ANKRD6: variants seen among roughly 807,000 people sequenced by gnomAD.
The protein encoded by ANKRD6 is ankyrin repeat domain-containing protein 6.
A neutral mutation model predicts 82.3 loss-of-function variants in ANKRD6; 56 were observed. That is an observed-to-expected ratio of 0.68 (90% CI 0.55 to 0.85). The LOEUF (loss-of-function observed/expected upper bound fraction) is 0.85. Among genes scored for constraint, ANKRD6 ranks in the 40% least tolerant of loss-of-function variants. The pLI is 0.00. For synonymous variants in ANKRD6, 347 were observed against 352.1 expected (o/e 0.99, Z 0.16); for missense variants, 852 against 907.6 (o/e 0.94, Z 0.79).
At chr6:89,469,846 C>G (rs1775247274) in intron 1 of ANKRD6, among the ~76,000 whole-genome samples, 1 of 152,184 alleles carries the variant, frequency 6.6e-6, no homozygotes, top group Non-Finnish European at 1.5e-5. Context: ...GTGTGACATT[C>G]TCTTCTGGTT....
intron 1 of ANKRD6, among the ~76,000 whole-genome samples, chr6:89,519,944 T>G (rs758909274): frequency 1.3e-5 from 2 of 152,222 alleles, no homozygotes; most frequent in Non-Finnish European, 2.9e-5. Context: ...GGTTGGCAAA[T>G]GAACTCAAGT....
intron 2 of ANKRD6, among the ~76,000 whole-genome samples, chr6:89,572,135 C>T (rs975292414): frequency 2.0e-5 from 3 of 152,134 alleles, no homozygotes; most frequent in African/African-American, 2.4e-5. Context: ...AAAAATCTTC[C>T]GTTGTATGGA....
intron 1 of ANKRD6, among the ~76,000 whole-genome samples, chr6:89,469,884 C>G (rs77763412): frequency 0.056 from 8,571 of 152,224 alleles, 269 homozygotes; most frequent in South Asian, 0.13. Flanking sequence ...TCTCATCTCT[C>G]CTATTGTAAA....
Position 89,631,007 on chromosome 6 carries a change from C to A in ANKRD6, c.*3C>A. On this transcript the variant is annotated 3_prime_UTR_variant, in exon 16 of 16. Coordinates refer to ENST00000339746, the MANE Select transcript of ANKRD6 (RefSeq NM_001242809.2). ...CTAGGGTGCAGAAGGAAAATTAGCA[C>A]CAATAAAGAGGAAATATGAAAGGAT... The A allele has an allele frequency of 6.6e-7, 1 of 1,508,618 alleles. No individual in the cohort carries two copies. The highest frequency in any genetic ancestry group is 8.8e-7 in the Non-Finnish European group (1 of 1,132,002). 93.5% of individuals were successfully genotyped at this position (1,508,618 alleles called of 1,614,324 possible).
intron 2 of ANKRD6, among the ~76,000 whole-genome samples, chr6:89,587,805 T>C (rs970006580): frequency 5.9e-5 from 9 of 152,244 alleles, no homozygotes; most frequent in African/African-American, 1.9e-4. Flanking sequence ...GATTAAGATA[T>C]GATGTGTCAC....
chr6:89,480,165 C>T (rs1460771110), intron 1 of ANKRD6, among the ~76,000 whole-genome samples: 2 of 152,186 alleles, frequency 1.3e-5, no homozygotes, highest in Non-Finnish European at 2.9e-5. Flanking sequence ...TTCATACTCT[C>T]CTAGATTGTT....
Position 89,582,543 on chromosome 6 carries a change from A to C in ANKRD6, c.121-13373A>C, listed in dbSNP as rs112287284. On this transcript the variant is annotated intron_variant, in intron 2 of 15. Transcript: ENST00000339746. ...TCCAGTGGCATTAACTGCAGTCAACACAGTTGTGTCATCATCACCACCATC... is the reference window on the plus strand; with the variant it reads ...TCCAGTGGCATTAACTGCAGTCAACCCAGTTGTGTCATCATCACCACCATC... Among the ~76,000 whole-genome samples, 1,341 of 152,226 alleles carry C rather than the reference A, an allele frequency of 8.8e-3. 26 individuals are homozygous for C. The highest frequency in any genetic ancestry group is 0.031 in the African/African-American group (1,295 of 41,512).
At chr6:89,452,720 C>G (rs1370969544) in intron 1 of ANKRD6, among the ~76,000 whole-genome samples, 1 of 152,112 alleles carries the variant, frequency 6.6e-6, no homozygotes, top group Non-Finnish European at 1.5e-5. Context: ...ACCCCGCACC[C>G]AAACCTGGCT....
At chr6:89,497,142 C>A (rs902905875) in intron 1 of ANKRD6, among the ~76,000 whole-genome samples, 4 of 152,184 alleles carry the variant, frequency 2.6e-5, no homozygotes, top group African/African-American at 9.7e-5. Flanking sequence ...AGATTAGATT[C>A]TCCCAAAAGT....
At chr6:89,621,402 G>A (rs751417278) in intron 9 of ANKRD6, 24 of 159,834 alleles carry the variant, frequency 1.5e-4, no homozygotes, top group Middle Eastern at 6.6e-3. Context: ...CTGTCCCGTG[G>A]TTGGTACTAT....
chr6:89,439,580 T>G (rs1250011586), intron 1 of ANKRD6, among the ~76,000 whole-genome samples: 1 of 152,192 alleles, frequency 6.6e-6, no homozygotes. Flanking sequence ...ACTTCAGTAA[T>G]GTGCACTAAT....
In ANKRD6 at chr6:89,613,773, G is replaced by A. The variant is rs1563072789; in HGVS notation, c.517-19G>A. On this transcript the variant is annotated intron_variant, in intron 6 of 15. Coordinates refer to ENST00000339746, the MANE Select transcript of ANKRD6 (RefSeq NM_001242809.2). The stretch of plus-strand genomic sequence containing the variant: ...TGTAACTGCTCAGATTGTGCTTAGA[G>A]TTTGATTTTTGTCCGCAGGCAGGAG... The A allele has an allele frequency of 6.2e-7, 1 of 1,612,044 alleles. No homozygotes were observed. Among genetic ancestry groups the A allele is most frequent in the East Asian group, 2.2e-5 (1 of 44,878 alleles).
chr6:89,550,919 G>GC (rs1434318770), intron 1 of ANKRD6, among the ~76,000 whole-genome samples: 2 of 152,070 alleles, frequency 1.3e-5, no homozygotes, highest in Non-Finnish European at 2.9e-5. Context: ...CTGCACCACT[G>GC]CACTCCAGCC....
chr6:89,627,664 GAC>G lies in ANKRD6; in HGVS notation c.1457_1458del (p.Thr486ArgfsTer4). 1 of 1,613,440 alleles carries G rather than the reference GAC, an allele frequency of 6.2e-7. No individual in the cohort carries two copies. Among genetic ancestry groups the G allele is most frequent in the Non-Finnish European group, 8.5e-7 (1 of 1,179,660 alleles). On this transcript the variant is annotated frameshift_variant, in exon 14 of 16. Transcript: ENST00000339746. LOFTEE classifies it high-confidence loss of function. ...ECLNRLQQHS[D>X]TEKHEGEKRQ... ...CCTGAACCGCCTGCAACAGCACTCA[GAC>G]ACAGAGAAGCATGAGGGGGAGAAAC...
At chr6:89,458,961 A>G (rs1210328047) in intron 1 of ANKRD6, among the ~76,000 whole-genome samples, 1 of 152,198 alleles carries the variant, frequency 6.6e-6, no homozygotes, top group East Asian at 1.9e-4. Flanking sequence ...TTTGACATGC[A>G]AAAGGGGTGA....
intron 10 of ANKRD6, among the ~76,000 whole-genome samples, chr6:89,622,804 G>A (rs1268955191): frequency 6.6e-6 from 1 of 152,070 alleles, no homozygotes; most frequent in Non-Finnish European, 1.5e-5. Context: ...CACAGAAAAT[G>A]TTATCACCAA....
In ANKRD6 at chr6:89,473,744, C is replaced by T. The variant is rs892083418; in HGVS notation, c.-144+40369C>T. On this transcript the variant is annotated intron_variant, in intron 1 of 15. Transcript: ENST00000339746. The stretch of plus-strand genomic sequence containing the variant: ...CTGTAATTCTAGCACTTTGGGTGGC[C>T]GAGGTGGGTGGATCACTTGAGGTCA... Among the ~76,000 whole-genome samples, 24 of 151,768 alleles carry T rather than the reference C, an allele frequency of 1.6e-4. 1 individual carries two copies. The highest frequency in any genetic ancestry group is 6.3e-4 in the South Asian group (3 of 4,790).
At chr6:89,467,949 A>G (rs1775032580) in intron 1 of ANKRD6, among the ~76,000 whole-genome samples, 1 of 152,212 alleles carries the variant, frequency 6.6e-6, no homozygotes, top group Non-Finnish European at 1.5e-5. Context: ...CACTTTTGGA[A>G]TTTAAAACAG....
At chr6:89,527,407 A>C (rs752785577) in intron 1 of ANKRD6, among the ~76,000 whole-genome samples, 9 of 152,078 alleles carry the variant, frequency 5.9e-5, no homozygotes, top group Non-Finnish European at 1.3e-4. Context: ...CAGCCTGGCC[A>C]ACATGGTGAA....
Sources: allele counts gnomAD v4.1 joint callset (sites outside exome capture counted in the v4.1 genomes callset), GRCh38; gene constraint gnomAD v4.1.1; transcripts MANE v1.5; gene names NCBI Gene and HGNC (gene_info 2026-07-23, HGNC 2026-07-21).